Variants in TRPM3 observed in about 807,000 individuals in gnomAD.
TRPM3 encodes transient receptor potential cation channel subfamily M member 3, also known as long transient receptor potential channel 3.
TRPM3 carries 77 observed loss-of-function variants against 181.2 expected under a neutral mutation model. That is an observed-to-expected ratio of 0.42 (90% confidence interval 0.35 to 0.51). The LOEUF is 0.51. Among genes scored for constraint, TRPM3 ranks in the 20% least tolerant of loss-of-function variants. The pLI is 0.01. For missense variants in TRPM3, 1,759 were observed against 2,196.7 expected (o/e 0.80, Z 3.98); for synonymous variants, 745 against 796.4 (o/e 0.94, Z 1.09).
intron 1 of TRPM3, among the ~76,000 whole-genome samples, chr9:71,413,382 AG>A (rs1486582229): frequency 6.6e-6 from 1 of 152,100 alleles, no homozygotes; most frequent in African/African-American, 2.4e-5. Context: ...TTCTTTTTAT[AG>A]GTGAGAAGAA....
At chr9:71,432,693 T>G (rs1413709266) in intron 1 of TRPM3, among the ~76,000 whole-genome samples, 1 of 152,172 alleles carries the variant, frequency 6.6e-6, no homozygotes, top group East Asian at 1.9e-4. Context: ...GAAAACAATT[T>G]TAAAGTTTAT....
intron 1 of TRPM3, among the ~76,000 whole-genome samples, chr9:71,255,418 A>C (rs915075594): frequency 2.0e-5 from 3 of 152,286 alleles, no homozygotes; most frequent in Middle Eastern, 6.8e-3. Context: ...CTGGCCAGGC[A>C]TCCCACCATC....
chr9:71,244,751 G>A (rs1327538437), intron 1 of TRPM3, among the ~76,000 whole-genome samples: 1 of 152,156 alleles, frequency 6.6e-6, no homozygotes, highest in Non-Finnish European at 1.5e-5. Flanking sequence ...CTAGGTGCTT[G>A]GGGCAGGGAA....
intron 1 of TRPM3, among the ~76,000 whole-genome samples, chr9:71,390,812 T>C (rs1394661366): frequency 6.6e-6 from 1 of 152,032 alleles, no homozygotes; most frequent in East Asian, 1.9e-4. Context: ...TATTAAACAC[T>C]GAGCTCCACG....
At chr9:70,692,993 T>G (rs990669051) in intron 8 of TRPM3, among the ~76,000 whole-genome samples, 4 of 152,184 alleles carry the variant, frequency 2.6e-5, no homozygotes, top group African/African-American at 9.7e-5. Context: ...CAGTCTTTGA[T>G]CCTAAGGTGA....
chr9:71,334,127 A>T (rs1168556966), intron 1 of TRPM3, among the ~76,000 whole-genome samples: 1 of 151,806 alleles, frequency 6.6e-6, no homozygotes, highest in Non-Finnish European at 1.5e-5. Context: ...CAGAGATGGT[A>T]TCTTGAAAGG....
rs577012073 is a variant in TRPM3, at chr9:70,886,895, C to A, written c.178-22384G>T. 5.8e-4 allele frequency among the ~76,000 whole-genome samples: 89 copies of A among 152,248 alleles called. No homozygotes were observed. In the South Asian group the frequency reaches 0.018, roughly 30 times the overall value. ...GGCCAAGCCAGTTTCGAACTCCTGA[C>A]CTCAGGTGATCCACCTGCCTTGGCC... On this transcript the variant is annotated intron_variant, in intron 1 of 25. Transcript: ENST00000677713.
chr9:71,422,321 T>C (rs1023976771), intron 1 of TRPM3, among the ~76,000 whole-genome samples: 2 of 152,026 alleles, frequency 1.3e-5, no homozygotes, highest in African/African-American at 4.8e-5. Context: ...ATGTGACACA[T>C]TATCTATACA....
intron 1 of TRPM3, among the ~76,000 whole-genome samples, chr9:71,263,405 C>T (rs574354940): frequency 4.1e-4 from 62 of 152,208 alleles, no homozygotes; most frequent in African/African-American, 1.4e-3. Flanking sequence ...TCCAAGACTG[C>T]GAGAAAGAAA....
intron 1 of TRPM3, among the ~76,000 whole-genome samples, chr9:71,286,587 TTTAAC>T (rs750592565): frequency 3.3e-5 from 5 of 152,146 alleles, no homozygotes; most frequent in African/African-American, 7.2e-5. Flanking sequence ...GTTTACTACT[TTTAAC>T]TTAGGAGGTT....
intron 5 of TRPM3, among the ~76,000 whole-genome samples, chr9:70,834,313 T>G (rs913814864): frequency 9.2e-5 from 14 of 152,202 alleles, no homozygotes; most frequent in Admixed American, 3.3e-4. Context: ...AGTCCTCATT[T>G]CATGCTTTCC....
intron 6 of TRPM3, among the ~76,000 whole-genome samples, chr9:70,801,011 A>G (rs1258277099): frequency 1.3e-5 from 2 of 152,218 alleles, no homozygotes; most frequent in Non-Finnish European, 2.9e-5. Flanking sequence ...CTACAGTCTG[A>G]ATTCTTGGTG....
intron 1 of TRPM3, among the ~76,000 whole-genome samples, chr9:71,314,485 C>A (rs555453478): frequency 1.8e-4 from 27 of 152,166 alleles, no homozygotes; most frequent in South Asian, 1.0e-3. Flanking sequence ...CCCATACCTA[C>A]CCTATTAATC....
intron 8 of TRPM3, among the ~76,000 whole-genome samples, chr9:70,693,794 A>G (rs73458899): frequency 0.015 from 2,237 of 152,310 alleles, 64 homozygotes; most frequent in African/African-American, 0.05. Context: ...TACTGGGCCA[A>G]TCTTACCCTT....
intron 7 of TRPM3, among the ~76,000 whole-genome samples, chr9:70,770,387 G>A (rs2079994874): frequency 6.6e-6 from 1 of 152,134 alleles, no homozygotes; most frequent in African/African-American, 2.4e-5. Flanking sequence ...TAGCTGTTTG[G>A]GGATGTTAAG....
At chr9:71,378,351 T>C in intron 1 of TRPM3, among the ~76,000 whole-genome samples, 1 of 152,116 alleles carries the variant, frequency 6.6e-6, no homozygotes, top group East Asian at 1.9e-4. Context: ...GCATATACTA[T>C]GGATACAACC....
intron 1 of TRPM3, among the ~76,000 whole-genome samples, chr9:71,355,904 G>T (rs1217844914): frequency 6.6e-6 from 1 of 151,738 alleles, no homozygotes; most frequent in South Asian, 2.1e-4. Flanking sequence ...AAAAAAATAA[G>T]ATTTTTATTA....
intron 1 of TRPM3, among the ~76,000 whole-genome samples, chr9:70,893,251 A>G (rs1301163937): frequency 6.6e-6 from 1 of 152,118 alleles, no homozygotes; most frequent in Non-Finnish European, 1.5e-5. Context: ...GTGAAATCAC[A>G]TGGACCATGC....
intron 1 of TRPM3, among the ~76,000 whole-genome samples, chr9:71,417,202 T>C (rs569689766): frequency 1.3e-5 from 2 of 152,102 alleles, no homozygotes; most frequent in South Asian, 2.1e-4. Context: ...TTAAACTTTA[T>C]GAGAAACTGT....
Sources: gnomAD v4.1 joint callset for allele counts (sites outside exome capture counted in the v4.1 genomes callset) on GRCh38, gnomAD v4.1.1 for gene constraint, MANE v1.5 for transcripts, NCBI Gene and HGNC (gene_info 2026-07-23, HGNC 2026-07-21) for gene names.